The following KDM4C variants were observed in gnomAD, a reference collection of about 807,000 sequenced individuals.
KDM4C encodes lysine demethylase 4C.
A neutral mutation model predicts 129.3 loss-of-function variants in KDM4C; 81 were observed. The ratio of observed to expected loss-of-function variants is 0.63; its 90% CI spans 0.52 to 0.75. The LOEUF (loss-of-function observed/expected upper bound fraction) is 0.75, where lower values mean the gene tolerates loss of function less well. KDM4C is among the 30% of genes least tolerant of loss of function. KDM4C has a pLI of 0.00. For missense variants in KDM4C, 1,457 were observed against 1,304.0 expected, an observed-to-expected ratio of 1.12 and a Z score of -1.81; for synonymous variants, 573 against 456.1, an observed-to-expected ratio of 1.26 and a Z score of -3.26.
At chr9:7,166,053 C>T (rs1164649597) in intron 20 of KDM4C, among the ~76,000 whole-genome samples, 1 of 152,140 alleles carries the variant, frequency 6.6e-6, no homozygotes, top group Non-Finnish European at 1.5e-5. Flanking sequence ...CATTTATATT[C>T]CTTCAGAAAG....
At chr9:7,067,858 C>T (rs1358481969) in intron 17 of KDM4C, among the ~76,000 whole-genome samples, 2 of 151,896 alleles carry the variant, frequency 1.3e-5, no homozygotes, top group East Asian at 1.9e-4. Flanking sequence ...TGCAGTGGTG[C>T]GATCTTGGCT....
intron 8 of KDM4C, among the ~76,000 whole-genome samples, chr9:6,905,542 C>G (rs1818166161): frequency 6.6e-6 from 1 of 152,190 alleles, no homozygotes; most frequent in South Asian, 2.1e-4. Flanking sequence ...GCTGTATACA[C>G]TTATGACCTT....
intron 18 of KDM4C, among the ~76,000 whole-genome samples, chr9:7,123,044 G>C (rs1025720529): frequency 4.6e-5 from 7 of 152,148 alleles, no homozygotes; most frequent in African/African-American, 1.4e-4. Context: ...AAATAAATCA[G>C]AAATCCTATC....
chr9:6,949,707 C>G (rs1028638505), intron 8 of KDM4C, among the ~76,000 whole-genome samples: 6 of 152,102 alleles, frequency 3.9e-5, no homozygotes, highest in Admixed American at 1.3e-4. Flanking sequence ...TCAGGCGTGG[C>G]GGCGCGCGCC....
At chr9:6,919,155 C>T (rs1397518152) in intron 8 of KDM4C, among the ~76,000 whole-genome samples, 1 of 152,020 alleles carries the variant, frequency 6.6e-6, no homozygotes, top group Non-Finnish European at 1.5e-5. Context: ...CCAGCCTACT[C>T]ACTTTTCATT....
At chr9:7,000,293 A>G (rs1241855824) in intron 12 of KDM4C, among the ~76,000 whole-genome samples, 1 of 152,198 alleles carries the variant, frequency 6.6e-6, no homozygotes, top group Non-Finnish European at 1.5e-5. Context: ...TTTTGATTAA[A>G]TTAGAGACAA....
At chr9:6,877,453 A>G (rs1043747171) in intron 5 of KDM4C, among the ~76,000 whole-genome samples, 15 of 151,762 alleles carry the variant, frequency 9.9e-5, no homozygotes, top group Admixed American at 2.6e-4. Context: ...GCCCGCCTCG[A>G]CCTCCCAAAG....
At chr9:6,923,774 G>C (rs1464762888) in intron 8 of KDM4C, among the ~76,000 whole-genome samples, 2 of 152,154 alleles carry the variant, frequency 1.3e-5, no homozygotes, top group East Asian at 3.8e-4. Flanking sequence ...TTGTTTGATT[G>C]TTTCAAATGC....
At chr9:6,939,533 GCCAGAAA>G (rs1825455398) in intron 8 of KDM4C, among the ~76,000 whole-genome samples, 1 of 152,168 alleles carries the variant, frequency 6.6e-6, no homozygotes, top group South Asian at 2.1e-4. Flanking sequence ...AGTCCCTGGT[GCCAGAAA>G]GAATGGGGAC....
At chr9:7,096,820 C>A (rs920083877) in intron 17 of KDM4C, among the ~76,000 whole-genome samples, 1 of 152,048 alleles carries the variant, frequency 6.6e-6, no homozygotes, top group Admixed American at 6.6e-5. Context: ...GAGGTTTAAC[C>A]CAGAGCCCCT....
chr9:6,858,953 C>T (rs1413612236), intron 5 of KDM4C, among the ~76,000 whole-genome samples: 2 of 151,580 alleles, frequency 1.3e-5, no homozygotes, highest in African/African-American at 4.9e-5. Flanking sequence ...TTGTTATTTG[C>T]CCATAGTATA....
intron 8 of KDM4C, among the ~76,000 whole-genome samples, chr9:6,901,821 G>C (rs1446906182): frequency 6.6e-6 from 1 of 152,078 alleles, no homozygotes; most frequent in African/African-American, 2.4e-5. Flanking sequence ...TTATTTGGTG[G>C]GCCCTGTGCT....
At chr9:7,020,342 G>C (rs1382587028) in intron 15 of KDM4C, among the ~76,000 whole-genome samples, 2 of 152,106 alleles carry the variant, frequency 1.3e-5, no homozygotes, top group Non-Finnish European at 2.9e-5. Flanking sequence ...AGATATCATC[G>C]CTTTGAGTCC....
intron 17 of KDM4C, among the ~76,000 whole-genome samples, chr9:7,072,155 A>G (rs1012197972): frequency 2.6e-5 from 4 of 152,194 alleles, no homozygotes; most frequent in African/African-American, 9.6e-5. Context: ...GACAGTGTCA[A>G]GTAGTGATGC....
chr9:6,865,557 T>C (rs993115379), intron 5 of KDM4C, among the ~76,000 whole-genome samples: 2 of 151,936 alleles, frequency 1.3e-5, no homozygotes, highest in Admixed American at 1.3e-4. Context: ...TTTATCTCAG[T>C]CTTCTCTCTT....
At chr9:6,722,920 T>C (rs1817002444) in intron 1 of KDM4C, among the ~76,000 whole-genome samples, 1 of 151,954 alleles carries the variant, frequency 6.6e-6, no homozygotes, top group African/African-American at 2.4e-5. Context: ...GAGGTTGAGG[T>C]TGCAGTGAGT....
chr9:6,908,156 C>A (rs1271471662), intron 8 of KDM4C, among the ~76,000 whole-genome samples: 1 of 152,092 alleles, frequency 6.6e-6, no homozygotes, highest in East Asian at 1.9e-4. Context: ...GCTATTTATA[C>A]TATTGTTTAT....
At chr9:7,069,442 C>G (rs1832900313) in intron 17 of KDM4C, among the ~76,000 whole-genome samples, 1 of 152,118 alleles carries the variant, frequency 6.6e-6, no homozygotes, top group Non-Finnish European at 1.5e-5. Context: ...AGCCTAGGAG[C>G]TCTAGGTTAC....
chr9:7,156,045 A>C (rs574987628), intron 19 of KDM4C, among the ~76,000 whole-genome samples: 1 of 152,124 alleles, frequency 6.6e-6, no homozygotes, highest in Admixed American at 6.6e-5. Context: ...TTTAATGATC[A>C]CCATTCTAAC....
Sources: gnomAD v4.1 joint callset for allele counts (sites outside exome capture counted in the v4.1 genomes callset) on GRCh38, gnomAD v4.1.1 for gene constraint, MANE v1.5 for transcripts, NCBI Gene and HGNC (gene_info 2026-07-23, HGNC 2026-07-21) for gene names.